The following ECT2L variants were observed in gnomAD, a reference collection of about 807,000 sequenced individuals.
ECT2L encodes epithelial cell transforming 2 like.
In ECT2L, 126 loss-of-function variants were observed where a neutral mutation model predicts 122.8. The observed-to-expected ratio is 1.03, with a 90% confidence interval of 0.89 to 1.19. ECT2L has a LOEUF of 1.19. Ranked by LOEUF, ECT2L falls within the 50% of genes most tolerant of loss-of-function variation. The pLI, the probability that ECT2L is intolerant of heterozygous loss-of-function variation, is 0.00. For missense variants in ECT2L, 1,012 were observed against 1,064.1 expected (o/e 0.95, Z 0.68); for synonymous variants, 385 against 381.8 (o/e 1.01, Z -0.10).
intron 16 of ECT2L, 66 bp from the exon 17 acceptor site, chr6:138,885,440 C>T: frequency 6.7e-7 from 1 of 1,497,602 alleles, no homozygotes; most frequent in Non-Finnish European, 9.3e-7. Context: ...ATCATGCTTG[C>T]TCAGTGGAAC....
intron 13 of ECT2L, among the ~76,000 whole-genome samples, chr6:138,873,838 C>G (rs1002001143): frequency 6.7e-6 from 1 of 148,788 alleles, no homozygotes; most frequent in African/African-American, 2.5e-5. Flanking sequence ...CCCAGAGAGG[C>G]TTGTGTAATA....
At chr6:138,874,794 G>T (rs750565650) in intron 13 of ECT2L, among the ~76,000 whole-genome samples, 1 of 152,038 alleles carries the variant, frequency 6.6e-6, no homozygotes, top group Non-Finnish European at 1.5e-5. Flanking sequence ...CATCATCCAC[G>T]CTGGAGTGCA....
intron 13 of ECT2L, among the ~76,000 whole-genome samples, chr6:138,871,312 G>A (rs554586774): frequency 6.6e-6 from 1 of 152,298 alleles, no homozygotes; most frequent in Non-Finnish European, 1.5e-5. Context: ...AGGGCTGCTA[G>A]GAGTAAGAGA....
chr6:138,856,450 T>A (rs1049280215), intron 10 of ECT2L, among the ~76,000 whole-genome samples: 1 of 152,098 alleles, frequency 6.6e-6, no homozygotes, highest in Non-Finnish European at 1.5e-5. Context: ...TCTGACCTCA[T>A]GATCCGCCCA....
intron 18 of ECT2L, 75 bp downstream of exon 18, chr6:138,885,905 G>C: frequency 7.0e-7 from 1 of 1,430,062 alleles, no homozygotes; most frequent in Non-Finnish European, 9.6e-7. Context: ...CAAAGATCCT[G>C]AGACACCTTA....
At chr6:138,825,917 G>T (rs1194824506) in intron 4 of ECT2L, among the ~76,000 whole-genome samples, 1 of 152,180 alleles carries the variant, frequency 6.6e-6, no homozygotes, top group Middle Eastern at 3.2e-3. Context: ...TGAACACCCA[G>T]TTGAACTTAT....
intron 10 of ECT2L, 32 bp from the exon 11 acceptor site, chr6:138,862,595 G>C (rs374669843): frequency 3.8e-6 from 6 of 1,589,736 alleles, no homozygotes; most frequent in Non-Finnish European, 5.2e-6. Flanking sequence ...AAATATATGA[G>C]GAAACTAACG....
At chr6:138,882,170 G>A (rs184539941) in intron 15 of ECT2L, among the ~76,000 whole-genome samples, 184 of 152,280 alleles carry the variant, frequency 1.2e-3, no homozygotes, top group Non-Finnish European at 1.6e-3. Context: ...GTAAAAGGAG[G>A]CAACCTGAGT....
At position 138,903,442 on chromosome 6, in the gene ECT2L, T is replaced by G. The variant is rs1779476631; in HGVS notation, c.*815T>G. The G allele has an allele frequency of 6.6e-6, 1 of 151,996 alleles. No individual in the cohort carries two copies. The highest frequency in any genetic ancestry group is 6.6e-5 in the Admixed American group (1 of 15,254). 9.4% of individuals were successfully genotyped at this position (151,996 alleles called of 1,614,324 possible). A position where few individuals can be genotyped will look rare whatever the true frequency, so the allele number is the denominator to read the frequency against. ...TTGTCACACTTATCCTTAGTATGAATGTACTCCTCTAGAGAGCATTAAAGA... is the reference window on the plus strand; with the variant it reads ...TTGTCACACTTATCCTTAGTATGAAGGTACTCCTCTAGAGAGCATTAAAGA... On this transcript the variant is annotated 3_prime_UTR_variant, in exon 22 of 22. Coordinates refer to ENST00000541398, the MANE Select transcript of ECT2L (RefSeq NM_001077706.3).
Position 138,844,470 on chromosome 6 carries a change from A to G in ECT2L, c.654A>G (p.Leu218=). 6.2e-7 allele frequency: 1 copy of G among 1,614,140 alleles called. No homozygotes were observed. The highest frequency in any genetic ancestry group is 1.1e-5 in the South Asian group (1 of 91,084). Residue 218 remains leucine (L), a synonymous_variant, in exon 7 of 22, where the codon CTA becomes CTG. Coordinates refer to ENST00000541398, the MANE Select transcript of ECT2L (RefSeq NM_001077706.3). ...WVSGTCCSSV[L]KPRCQPRLSQ... is the part of the protein sequence containing the mutation. ...GTGGAACTTGCTGCTCTAGCGTGCT[A>G]AAGCCCAGATGCCAACCACGCCTCT...
intron 4 of ECT2L, among the ~76,000 whole-genome samples, chr6:138,819,780 G>A (rs912067942): frequency 6.6e-5 from 10 of 151,892 alleles, no homozygotes; most frequent in South Asian, 4.2e-4. Flanking sequence ...CCAGCTATTC[G>A]GGAGGCTGAG....
At chr6:138,817,765 A>T (rs1395960993) in intron 4 of ECT2L, among the ~76,000 whole-genome samples, 1 of 152,216 alleles carries the variant, frequency 6.6e-6, no homozygotes, top group Non-Finnish European at 1.5e-5. Flanking sequence ...TTCTTAAACC[A>T]TCCCTCTGGC....
In ECT2L at chr6:138,883,527, T is replaced by C. The variant is rs545085531; in HGVS notation, c.2028+656T>C. On this transcript the variant is annotated intron_variant, in intron 16 of 21. Transcript: ENST00000541398. Reference sequence around the variant, plus strand: ...ACATGGCAGCACACTTCTGCCAGAGTCCACTGTGACCACTCGTCTTCACTG... The same window carrying C: ...ACATGGCAGCACACTTCTGCCAGAGCCCACTGTGACCACTCGTCTTCACTG... Among the ~76,000 whole-genome samples the C allele has an allele frequency of 1.2e-4, 18 of 152,198 alleles. No homozygotes were observed. The East Asian group carries it at 3.5e-3, about 29-fold the overall frequency.
chr6:138,821,394 T>C (rs1776263745), intron 4 of ECT2L, among the ~76,000 whole-genome samples: 2 of 152,214 alleles, frequency 1.3e-5, no homozygotes, highest in Admixed American at 6.5e-5. Context: ...GCCTCTGTTC[T>C]GCCTCTGTAG....
chr6:138,846,553 GA>G lies in ECT2L; in HGVS notation c.781del (p.Ser261AlafsTer32), dbSNP rs774797255. 2.5e-6 allele frequency: 4 copies of G among 1,584,908 alleles called. No individual in the cohort carries two copies. Among genetic ancestry groups the G allele is most frequent in the Non-Finnish European group, 3.4e-6 (4 of 1,171,240 alleles). On this transcript the variant is annotated frameshift_variant, in exon 8 of 22. Transcript: ENST00000541398. LOFTEE classifies it high-confidence loss of function. ...ETLPKRSNIS[G>X]SHSYPLLSKK... ...TTACTCCATAGAAGCAATATTTCTG[GA>G]AGCCATTCCTACCCTTTATTATCAA... is the stretch of plus-strand genomic sequence containing the variant.
At chr6:138,833,369 T>TA (rs948512857) in intron 4 of ECT2L, among the ~76,000 whole-genome samples, 99 of 152,346 alleles carry the variant, frequency 6.5e-4, no homozygotes, top group African/African-American at 2.3e-3. Context: ...ATCCTTTAGC[T>TA]AAATCCTTAG....
chr6:138,829,799 T>C (rs1305799114), intron 4 of ECT2L, among the ~76,000 whole-genome samples: 1 of 152,000 alleles, frequency 6.6e-6, no homozygotes, highest in East Asian at 1.9e-4. Flanking sequence ...CTCAGTTCAC[T>C]GCAACCTCCG....
rs538424110 is a variant in ECT2L, at chr6:138,840,059, C to A, written c.342+1545C>A. Among the ~76,000 whole-genome samples the A allele has an allele frequency of 2.2e-4, 34 of 152,174 alleles. No homozygotes were observed. In the South Asian group the frequency reaches 5.8e-3, roughly 26 times the overall value. ...GATTAACACACATTTTATATATGTA[C>A]TATATACTGTATTCTTCAATATGGC... On this transcript the variant is annotated intron_variant, in intron 5 of 21. Coordinates refer to ENST00000541398, the MANE Select transcript of ECT2L (RefSeq NM_001077706.3).
At position 138,864,970 on chromosome 6, in the gene ECT2L, A is replaced by G. The variant is rs1582631981; in HGVS notation, c.1292-26A>G. ...TGTTTCATCTGAGCTCAAGCCTGCA[A>G]TAATAACAGAAGAAAATCATGTCAG... On this transcript the variant is annotated intron_variant, in intron 11 of 21. Coordinates refer to ENST00000541398, the MANE Select transcript of ECT2L (RefSeq NM_001077706.3). 7 of 1,597,608 alleles carry G rather than the reference A, an allele frequency of 4.4e-6. No individual in the cohort carries two copies. In the East Asian group the frequency reaches 1.6e-4, roughly 36 times the overall value.
Sources: allele counts gnomAD v4.1 joint callset (sites outside exome capture counted in the v4.1 genomes callset), GRCh38; gene constraint gnomAD v4.1.1; transcripts MANE v1.5; gene names NCBI Gene and HGNC (gene_info 2026-07-23, HGNC 2026-07-21).